Variants in BTRC observed in about 807,000 individuals in gnomAD.
The protein encoded by BTRC is beta-transducin repeat containing E3 ubiquitin protein ligase.
BTRC carries 42 observed loss-of-function variants against 85.5 expected under a neutral mutation model. The ratio of observed to expected loss-of-function variants is 0.49; its 90% CI spans 0.38 to 0.64. The LOEUF (loss-of-function observed/expected upper bound fraction) is 0.64. Among genes scored for constraint, BTRC ranks in the 30% least tolerant of loss-of-function variants. The pLI, the probability that BTRC is intolerant of heterozygous loss-of-function variation, is 0.00. For missense variants in BTRC, 594 were observed against 743.5 expected (o/e 0.80, Z 2.34); for synonymous variants, 255 against 263.3 (o/e 0.97, Z 0.30).
intron 5 of BTRC, among the ~76,000 whole-genome samples, chr10:101,522,342 T>C (rs2062120834): frequency 1.2e-5 from 1 of 86,838 alleles, no homozygotes; most frequent in East Asian, 3.0e-4. Flanking sequence ...GCCCAGCTGG[T>C]ATAAAGCTTT....
chr10:101,447,922 C>CA (rs571290887), intron 2 of BTRC, among the ~76,000 whole-genome samples: 13 of 151,114 alleles, frequency 8.6e-5, no homozygotes, highest in African/African-American at 2.4e-4. Context: ...TTAATATTTC[C>CA]AAAAAAAACC....
At chr10:101,522,131 C>G (rs1007258447) in intron 5 of BTRC, among the ~76,000 whole-genome samples, 1 of 141,286 alleles carries the variant, frequency 7.1e-6, no homozygotes, top group African/African-American at 2.6e-5. Context: ...AGCTCCACCT[C>G]CCGGCTTAAC....
intron 4 of BTRC, among the ~76,000 whole-genome samples, chr10:101,519,585 C>G (rs2134361012): frequency 6.6e-6 from 1 of 152,314 alleles, no homozygotes; most frequent in African/African-American, 2.4e-5. Flanking sequence ...GTCAGATCCA[C>G]CTGAGTAATC....
chr10:101,445,774 A>G (rs570503838), intron 2 of BTRC, among the ~76,000 whole-genome samples: 1 of 152,242 alleles, frequency 6.6e-6, no homozygotes, highest in African/African-American at 2.4e-5. Context: ...AGAATTCCCC[A>G]GAGGCCTTGG....
chr10:101,449,807 A>G (rs560968822), intron 2 of BTRC, among the ~76,000 whole-genome samples: 19 of 151,776 alleles, frequency 1.3e-4, no homozygotes, highest in Middle Eastern at 3.4e-3. Context: ...GTGTAAACGT[A>G]TGTGTGGATT....
At chr10:101,405,060 G>A (rs928401724) in intron 1 of BTRC, among the ~76,000 whole-genome samples, 1 of 150,836 alleles carries the variant, frequency 6.6e-6, no homozygotes, top group African/African-American at 2.4e-5. Flanking sequence ...CCCATGTGCA[G>A]CTTGGGGGTG....
rs532368891 is a variant in BTRC at position 101,390,680 on chromosome 10, A to G, written c.48+36452A>G. ...GAGCTTTAGTTTTTTAAAAGACATT[A>G]GAGCAAATTTGAGAAAGTACAAAAT... On this transcript the variant is annotated intron_variant, in intron 1 of 14. Coordinates refer to ENST00000370187, the MANE Select transcript of BTRC (RefSeq NM_033637.4). 9.9e-5 allele frequency among the ~76,000 whole-genome samples: 15 copies of G among 152,246 alleles called. No homozygotes were observed. In the South Asian group the frequency reaches 2.5e-3, roughly 25 times the overall value.
At position 101,534,854 on chromosome 10, in the gene BTRC, G is replaced by A; in HGVS notation, c.1291G>A (p.Val431Ile). The A allele has an allele frequency of 1.2e-6, 2 of 1,614,134 alleles. No individual in the cohort carries two copies. The highest frequency in any genetic ancestry group is 1.7e-6 in the Non-Finnish European group (2 of 1,179,996). ...VLVGHRAAVN[V>I]VDFDDKYIVS... ...GGTCGGACACCGAGCTGCTGTCAATGTTGTAGACTTTGATGACAAGTACAT... is the reference window on the plus strand; with the variant it reads ...GGTCGGACACCGAGCTGCTGTCAATATTGTAGACTTTGATGACAAGTACAT... The change falls in exon 10 of 15, where the codon GTT becomes ATT. Residue 431 changes from valine (V) to isoleucine (I), a missense_variant. Around this residue, in one of 4 missense-constraint regions of BTRC, gnomAD observed 373 missense variants for 503.6 expected, o/e 0.74. Transcript: ENST00000370187.
At chr10:101,509,416 G>A (rs1008682196) in intron 4 of BTRC, among the ~76,000 whole-genome samples, 5 of 147,374 alleles carry the variant, frequency 3.4e-5, no homozygotes, top group Admixed American at 6.7e-5. Flanking sequence ...CACTACGCCC[G>A]GCTAATTTTT....
intron 1 of BTRC, among the ~76,000 whole-genome samples, chr10:101,406,524 C>CT (rs58902120): frequency 0.26 from 12,952 of 50,598 alleles, 4,800 homozygotes; most frequent in South Asian, 0.33. Flanking sequence ...TCTCAGGTTT[C>CT]TTTTTTTTTT....
chr10:101,376,154 C>T (rs1228451086), intron 1 of BTRC, among the ~76,000 whole-genome samples: 1 of 152,098 alleles, frequency 6.6e-6, no homozygotes, highest in African/African-American at 2.4e-5. Context: ...GGTGAAACCC[C>T]GTCTCTACTA....
chr10:101,544,076 A>AT (rs1390955817), intron 13 of BTRC, among the ~76,000 whole-genome samples: 2 of 151,904 alleles, frequency 1.3e-5, no homozygotes, highest in East Asian at 3.9e-4. Context: ...CACCCAGCTA[A>AT]TTTTTTGTAG....
chr10:101,455,691 G>C (rs1296617752), intron 2 of BTRC, among the ~76,000 whole-genome samples: 1 of 151,978 alleles, frequency 6.6e-6, no homozygotes, highest in Non-Finnish European at 1.5e-5. Context: ...TCCTTATTTT[G>C]GTGAATGATA....
chr10:101,482,612 G>T (rs1013853590), intron 4 of BTRC, among the ~76,000 whole-genome samples: 15 of 151,478 alleles, frequency 9.9e-5, no homozygotes, highest in African/African-American at 2.9e-4. Flanking sequence ...GGCCGGGATG[G>T]TCTTGATCTC....
At chr10:101,508,607 G>A (rs576320832) in intron 4 of BTRC, among the ~76,000 whole-genome samples, 19 of 152,250 alleles carry the variant, frequency 1.2e-4, no homozygotes, top group Middle Eastern at 3.4e-3. Context: ...ATCACTGAGA[G>A]TTATAAAGTT....
At chr10:101,414,575 A>G in intron 1 of BTRC, 1 of 503,850 alleles carries the variant, frequency 2.0e-6, no homozygotes, top group Admixed American at 2.1e-5. Flanking sequence ...AGCGTTAGGC[A>G]GGTCCTTCAG....
At chr10:101,424,940 A>G (rs1944209552) in intron 1 of BTRC, among the ~76,000 whole-genome samples, 2 of 152,126 alleles carry the variant, frequency 1.3e-5, no homozygotes, top group South Asian at 4.1e-4. Context: ...AGTTTTTTCA[A>G]GCTTTACCCC....
intron 2 of BTRC, among the ~76,000 whole-genome samples, chr10:101,456,729 C>G (rs1358539639): frequency 6.6e-6 from 1 of 152,032 alleles, no homozygotes; most frequent in Non-Finnish European, 1.5e-5. Flanking sequence ...GTGTTACAGC[C>G]CAAATGCATC....
intron 1 of BTRC, among the ~76,000 whole-genome samples, chr10:101,374,444 A>T (rs915355743): frequency 2.0e-5 from 3 of 150,936 alleles, no homozygotes; most frequent in African/African-American, 7.3e-5. Flanking sequence ...ATGGAATACT[A>T]TGCAGCCATA....
Sources: gnomAD v4.1 joint callset for allele counts (sites outside exome capture counted in the v4.1 genomes callset) on GRCh38, gnomAD v4.1.1 for gene constraint, gnomAD v4.1.1 regional missense constraint, MANE v1.5 for transcripts, NCBI Gene and HGNC (gene_info 2026-07-23, HGNC 2026-07-21) for gene names.